The following KLHDC1 variants were observed in gnomAD, a reference collection of about 807,000 sequenced individuals.
KLHDC1 encodes kelch domain containing 1, also known as kelch domain-containing protein 1.
KLHDC1 carries 53 observed loss-of-function variants against 68.3 expected under a neutral mutation model. The observed-to-expected ratio is 0.78, with a 90% CI of 0.62 to 0.98. KLHDC1 has a LOEUF of 0.98. KLHDC1 is among the 50% of genes least tolerant of loss of function. The pLI is 0.00. For missense variants in KLHDC1, 470 were observed against 492.3 expected, an observed-to-expected ratio of 0.95 and a Z score of 0.43; for synonymous variants, 148 against 159.0, an observed-to-expected ratio of 0.93 and a Z score of 0.52.
Position 49,693,202 on chromosome 14 carries a change from A to G in KLHDC1, c.8A>G (p.Asp3Gly). MA[D>G]SQLFCVAEER... Reference sequence around the variant, plus strand: ...GGGCCAGCGACGGCGCGAATGGCGGACTCTCAGCTGTTCTGTGTGGCGGAG... The same window carrying G: ...GGGCCAGCGACGGCGCGAATGGCGGGCTCTCAGCTGTTCTGTGTGGCGGAG... The change falls in exon 1 of 13, where the codon GAC (aspartate) becomes GGC (glycine). Residue 3 changes from aspartate (D) to glycine (G), a missense_variant. By Grantham distance (94) the Asp-to-Gly change is moderately conservative (BLOSUM62 -1). Transcript: ENST00000359332. The G allele has an allele frequency of 1.3e-6, 2 of 1,582,336 alleles. No homozygotes were observed. The highest frequency in any genetic ancestry group is 1.7e-6 in the Non-Finnish European group (2 of 1,166,170).
chr14:49,733,301 G>A (rs763208626), intron 9 of KLHDC1, among the ~76,000 whole-genome samples: 4 of 152,162 alleles, frequency 2.6e-5, no homozygotes, highest in Admixed American at 6.5e-5. Flanking sequence ...GCTGATCCCA[G>A]TGGCTATGGG....
At chr14:49,694,630 G>A (rs1358541562) in intron 1 of KLHDC1, among the ~76,000 whole-genome samples, 1 of 152,084 alleles carries the variant, frequency 6.6e-6, no homozygotes, top group Non-Finnish European at 1.5e-5. Context: ...GAGGCGGGTG[G>A]ATTACCTGAA....
intron 4 of KLHDC1, among the ~76,000 whole-genome samples, chr14:49,723,322 C>A (rs1414684195): frequency 6.6e-6 from 1 of 151,728 alleles, no homozygotes. Context: ...AACTTGACCC[C>A]AAGAGTTCAA....
At position 49,710,278 on chromosome 14, in the gene KLHDC1, T is replaced by G; in HGVS notation, c.301T>G (p.Leu101Val). ...GYSNRLYFVN[L>V]RTRDETYIWE... Reference sequence around the variant, plus strand: ...TCTTTTAAAGCTTTATTTTGTTAATTTACGAACAAGAGATGAAACCTACAT... The same window carrying G: ...TCTTTTAAAGCTTTATTTTGTTAATGTACGAACAAGAGATGAAACCTACAT... The change falls in exon 4 of 13, where the codon TTA becomes GTA. Residue 101 changes from leucine to valine, a missense_variant. By Grantham distance (32) the Leu-to-Val change is conservative. Coordinates refer to ENST00000359332, the MANE Select transcript of KLHDC1 (RefSeq NM_172193.3). 6.3e-7 allele frequency: 1 copy of G among 1,594,206 alleles called. No individual in the cohort carries two copies. The highest frequency in any genetic ancestry group is 1.7e-5 in the Admixed American group (1 of 59,948).
intron 5 of KLHDC1, among the ~76,000 whole-genome samples, chr14:49,724,315 A>G (rs1232424926): frequency 6.6e-6 from 1 of 152,086 alleles, no homozygotes; most frequent in Admixed American, 6.6e-5. Flanking sequence ...AGAATTATTC[A>G]TAGGTCAGAC....
intron 1 of KLHDC1, among the ~76,000 whole-genome samples, chr14:49,699,396 G>T (rs1032438512): frequency 6.8e-6 from 1 of 146,468 alleles, no homozygotes; most frequent in Non-Finnish European, 1.5e-5. Context: ...AGGCAAAAAA[G>T]AAGCCATATG....
chr14:49,697,285 G>GA (rs1887771883), intron 1 of KLHDC1, among the ~76,000 whole-genome samples: 1 of 152,196 alleles, frequency 6.6e-6, no homozygotes, highest in Non-Finnish European at 1.5e-5. Flanking sequence ...GGTCCAAGGA[G>GA]AGGGAGAGAG....
intron 1 of KLHDC1, among the ~76,000 whole-genome samples, chr14:49,699,096 G>A (rs984763346): frequency 1.3e-5 from 2 of 150,488 alleles, no homozygotes; most frequent in Non-Finnish European, 2.9e-5. Flanking sequence ...CCCAGAAGGC[G>A]GAGGTTGCAG....
chr14:49,719,396 C>T lies in KLHDC1; in HGVS notation c.405-4478C>T, dbSNP rs1032056092. ...GGATTTTTTTTCTTTCAGCACTTTA[C>T]AGGTTTTATTTATTTATTTATTTAT... On this transcript the variant is annotated intron_variant, in intron 4 of 12. Transcript: ENST00000359332. 3.3e-5 allele frequency among the ~76,000 whole-genome samples: 5 copies of T among 150,758 alleles called. No homozygotes were observed. The South Asian group carries it at 8.3e-4, about 25-fold the overall frequency.
At chr14:49,718,161 C>G (rs980936054) in intron 4 of KLHDC1, among the ~76,000 whole-genome samples, 1 of 152,178 alleles carries the variant, frequency 6.6e-6, no homozygotes, top group African/African-American at 2.4e-5. Flanking sequence ...GCTAGGATTA[C>G]AGGCATGAAC....
intron 10 of KLHDC1, 122 bp from the exon 11 acceptor site, chr14:49,739,976 G>T: frequency 1.8e-6 from 1 of 563,356 alleles, no homozygotes; most frequent in Non-Finnish European, 3.1e-6. Context: ...AAAGGTTCAA[G>T]TTCAATCGTG....
intron 6 of KLHDC1, among the ~76,000 whole-genome samples, chr14:49,726,085 T>C (rs1387847213): frequency 6.6e-6 from 1 of 152,218 alleles, no homozygotes; most frequent in African/African-American, 2.4e-5. Context: ...TGACCTCAAG[T>C]TATCTACCCA....
intron 5 of KLHDC1, 73 bp from the exon 6 acceptor site, chr14:49,725,613 A>G: frequency 2.4e-6 from 2 of 825,628 alleles, no homozygotes; most frequent in Admixed American, 5.8e-5. Flanking sequence ...TTACCAGTAA[A>G]TATGTGATAA....
chr14:49,706,720 AT>A (rs1260705588), intron 1 of KLHDC1, among the ~76,000 whole-genome samples: 1 of 152,112 alleles, frequency 6.6e-6, no homozygotes, highest in Non-Finnish European at 1.5e-5. Context: ...ATTTGCACTT[AT>A]TTGATGATCA....
chr14:49,709,682 T>C (rs764566397), intron 2 of KLHDC1, 27 bp from the exon 3 acceptor site: 25 of 1,323,092 alleles, frequency 1.9e-5, no homozygotes, highest in African/African-American at 6.0e-5. Context: ...TGGAAAGTTA[T>C]GGGATTCCAT....
intron 1 of KLHDC1, among the ~76,000 whole-genome samples, chr14:49,703,661 G>A (rs891178753): frequency 6.6e-6 from 1 of 151,626 alleles, no homozygotes; most frequent in South Asian, 2.1e-4. Flanking sequence ...TTAGTTTTCA[G>A]ATTCATACAT....
chr14:49,727,669 C>T (rs1888706240), intron 6 of KLHDC1, among the ~76,000 whole-genome samples: 2 of 152,042 alleles, frequency 1.3e-5, no homozygotes, highest in African/African-American at 4.8e-5. Flanking sequence ...TCAGATCAAG[C>T]CTGGGGTAAT....
At chr14:49,745,072 T>A (rs922584150) in intron 12 of KLHDC1, among the ~76,000 whole-genome samples, 1 of 151,992 alleles carries the variant, frequency 6.6e-6, no homozygotes, top group Non-Finnish European at 1.5e-5. Flanking sequence ...AGTGAACAAG[T>A]GTGGGAATTT....
chr14:49,715,469 G>A (rs961840748), intron 4 of KLHDC1, among the ~76,000 whole-genome samples: 141 of 151,154 alleles, frequency 9.3e-4, no homozygotes, highest in Non-Finnish European at 1.8e-3. Flanking sequence ...AATATAGGCC[G>A]GATGTGGTGG....
Sources: gnomAD v4.1 joint callset for allele counts (sites outside exome capture counted in the v4.1 genomes callset) on GRCh38, gnomAD v4.1.1 for gene constraint, MANE v1.5 for transcripts, NCBI Gene and HGNC (gene_info 2026-07-23, HGNC 2026-07-21) for gene names.